CLMP: variants seen among roughly 807,000 people sequenced by gnomAD.
CLMP encodes CXADR-like membrane protein.
In CLMP, 27 loss-of-function variants were observed where a neutral mutation model predicts 45.2. The ratio of observed to expected loss-of-function variants is 0.60; its 90% CI spans 0.44 to 0.82. The LOEUF is 0.82. CLMP is among the 40% of genes least tolerant of loss of function. CLMP has a pLI of 0.00. For missense variants in CLMP, 403 were observed against 448.4 expected (o/e 0.90, Z 0.91); for synonymous variants, 167 against 171.4 (o/e 0.97, Z 0.20).
In CLMP at chr11:123,089,592, CGT is replaced by C. The variant is rs761830573; in HGVS notation, c.187-4881_187-4880del. 4.3e-3 allele frequency among the ~76,000 whole-genome samples: 647 copies of C among 151,502 alleles called. 5 individuals are homozygous for C. The highest frequency in any genetic ancestry group is 6.8e-3 in the Middle Eastern group (2 of 294). On this transcript the variant is annotated intron_variant, in intron 2 of 6. Coordinates refer to ENST00000448775, the MANE Select transcript of CLMP (RefSeq NM_024769.5). ...CATCCTGGCTAACACGGTGAAACCC[CGT>C]CTCTACTAAAAATACAAAAAATTAG... is the stretch of plus-strand genomic sequence containing the variant.
intron 1 of CLMP, among the ~76,000 whole-genome samples, chr11:123,107,122 A>G (rs1368398514): frequency 6.7e-6 from 1 of 150,258 alleles, no homozygotes; most frequent in Non-Finnish European, 1.5e-5. Context: ...GTGCAGTGGC[A>G]CAATCATAAC....
In CLMP at chr11:123,119,046, C is replaced by CT. The variant is rs1860771790; in HGVS notation, c.29-21095_29-21094insA. 6.0e-4 allele frequency among the ~76,000 whole-genome samples: 3 copies of CT among 4,978 alleles called. 1 individual carries two copies. The highest frequency in any genetic ancestry group is 1.9e-3 in the African/African-American group (2 of 1,078). The allele number at this position is 4,978 out of a possible 152,430, so 3.3% of individuals were successfully genotyped here. The stretch of plus-strand genomic sequence containing the variant: ...CTCTCTCTCTCTCTCTCTCTCTCTC[C>CT]CTCTCCCTCTCTCTCTCTCTCTCTC... On this transcript the variant is annotated intron_variant, in intron 1 of 6. Transcript: ENST00000448775.
chr11:123,124,965 C>A (rs1455885191), intron 1 of CLMP, among the ~76,000 whole-genome samples: 2 of 152,064 alleles, frequency 1.3e-5, no homozygotes, highest in African/African-American at 4.8e-5. Context: ...GGTGAGATCC[C>A]GGTTCACTGC....
At chr11:123,082,456 G>A (rs1376488268) in intron 5 of CLMP, among the ~76,000 whole-genome samples, 6 of 151,902 alleles carry the variant, frequency 3.9e-5, no homozygotes, top group South Asian at 2.1e-4. Context: ...TTACAGGCAC[G>A]CATCAGCACA....
chr11:123,179,871 C>T (rs1861746933), intron 1 of CLMP, among the ~76,000 whole-genome samples: 1 of 152,234 alleles, frequency 6.6e-6, no homozygotes, highest in Non-Finnish European at 1.5e-5. Context: ...CTGTTTCTCT[C>T]CTTCCCTCCC....
intron 1 of CLMP, among the ~76,000 whole-genome samples, chr11:123,109,124 G>A (rs1860602564): frequency 1.3e-5 from 2 of 150,114 alleles, no homozygotes; most frequent in Admixed American, 1.3e-4. Flanking sequence ...CTTCCCCTCT[G>A]TGAAAAACTG....
chr11:123,187,991 C>G (rs1013211850), intron 1 of CLMP, among the ~76,000 whole-genome samples: 2 of 152,240 alleles, frequency 1.3e-5, no homozygotes, highest in African/African-American at 4.8e-5. Flanking sequence ...AAGAAATACA[C>G]AGCAGCCAGC....
At chr11:123,102,463 T>C (rs28416658) in intron 1 of CLMP, among the ~76,000 whole-genome samples, 3,092 of 151,452 alleles carry the variant, frequency 0.02, 98 homozygotes, top group East Asian at 0.17. Context: ...GTATTTTTAG[T>C]AGAGACAGGG....
chr11:123,076,309 A>G, intron 5 of CLMP, among the ~76,000 whole-genome samples: 1 of 152,342 alleles, frequency 6.6e-6, no homozygotes, highest in East Asian at 1.9e-4. Flanking sequence ...ACCCTTTTTC[A>G]TATACCAAAT....
At chr11:123,094,477 T>C (rs144711730) in intron 2 of CLMP, among the ~76,000 whole-genome samples, 5 of 152,364 alleles carry the variant, frequency 3.3e-5, no homozygotes, top group African/African-American at 1.2e-4. Context: ...ACTATGTTTG[T>C]GTGTTTACAC....
chr11:123,118,184 C>G (rs1860742235), intron 1 of CLMP, among the ~76,000 whole-genome samples: 1 of 152,138 alleles, frequency 6.6e-6, no homozygotes, highest in African/African-American at 2.4e-5. Flanking sequence ...GGCTGGAGTG[C>G]AGTAGCACAA....
At chr11:123,193,741 C>T (rs1180260077) in intron 1 of CLMP, among the ~76,000 whole-genome samples, 1 of 152,162 alleles carries the variant, frequency 6.6e-6, no homozygotes, top group East Asian at 1.9e-4. Context: ...CAGCCTCCTT[C>T]AAACCTCTGG....
chr11:123,071,225 G>A lies in CLMP; in HGVS notation c.*2249C>T, dbSNP rs1865667760. 6.6e-6 allele frequency: 1 copy of A among 152,198 alleles called. No homozygotes were observed. The highest frequency in any genetic ancestry group is 1.5e-5 in the Non-Finnish European group (1 of 68,090). The allele number at this position is 152,198 out of a possible 1,614,324, so 9.4% of individuals were successfully genotyped here. A position where few individuals can be genotyped will look rare whatever the true frequency, so the allele number is the denominator to read the frequency against. ...GAGGTGGGTGGATCACCTGAGGTCAGGCGTTTTGAGACCAGCCTGGTCAAC... is the reference window on the plus strand; with the variant it reads ...GAGGTGGGTGGATCACCTGAGGTCAAGCGTTTTGAGACCAGCCTGGTCAAC... On this transcript the variant is annotated 3_prime_UTR_variant, in exon 7 of 7. Transcript: ENST00000448775.
At chr11:123,079,439 G>T (rs1865775913) in intron 5 of CLMP, among the ~76,000 whole-genome samples, 1 of 151,834 alleles carries the variant, frequency 6.6e-6, no homozygotes, top group African/African-American at 2.4e-5. Flanking sequence ...AAAACTGCCT[G>T]TTACTTTTTT....
At chr11:123,180,722 G>A (rs549078070) in intron 1 of CLMP, among the ~76,000 whole-genome samples, 5 of 152,138 alleles carry the variant, frequency 3.3e-5, no homozygotes, top group Non-Finnish European at 5.9e-5. Context: ...TCAGGAAAGC[G>A]CTCACTGAGG....
intron 1 of CLMP, among the ~76,000 whole-genome samples, chr11:123,191,227 C>G (rs1861903088): frequency 6.6e-6 from 1 of 152,156 alleles, no homozygotes. Flanking sequence ...TAAAAAATAT[C>G]CATCATCACT....
chr11:123,109,237 T>C (rs1204763626), intron 1 of CLMP, among the ~76,000 whole-genome samples: 1 of 152,156 alleles, frequency 6.6e-6, no homozygotes, highest in African/African-American at 2.4e-5. Context: ...GTGATGATAG[T>C]CTCTCCTACT....
intron 1 of CLMP, among the ~76,000 whole-genome samples, chr11:123,171,791 A>G (rs1195366849): frequency 6.6e-6 from 1 of 152,144 alleles, no homozygotes; most frequent in Non-Finnish European, 1.5e-5. Flanking sequence ...AAGCCATTTA[A>G]GGACGAGTGG....
intron 1 of CLMP, among the ~76,000 whole-genome samples, chr11:123,176,854 T>G (rs1861706952): frequency 6.6e-6 from 1 of 152,212 alleles, no homozygotes; most frequent in Non-Finnish European, 1.5e-5. Context: ...GGTAGTGCTA[T>G]GCTCAGCTCT....
Sources: allele counts gnomAD v4.1 joint callset (sites outside exome capture counted in the v4.1 genomes callset), GRCh38; gene constraint gnomAD v4.1.1; transcripts MANE v1.5; gene names NCBI Gene and HGNC (gene_info 2026-07-23, HGNC 2026-07-21).